The following TRAF6 variants were observed in gnomAD, a reference collection of about 807,000 sequenced individuals.
TRAF6 encodes the protein TNF receptor-associated factor 6.
A neutral mutation model predicts 48.4 loss-of-function variants in TRAF6; 10 were observed. The ratio of observed to expected loss-of-function variants is 0.21; its 90% confidence interval spans 0.13 to 0.35. The LOEUF (loss-of-function observed/expected upper bound fraction) is 0.35, where lower values mean the gene tolerates loss of function less well. Among genes scored for constraint, TRAF6 ranks in the 10% least tolerant of loss-of-function variants. The pLI is 1.00. For missense variants in TRAF6, 397 were observed against 661.0 expected, an observed-to-expected ratio of 0.60 and a Z score of 4.38; for synonymous variants, 186 against 219.6, an observed-to-expected ratio of 0.85 and a Z score of 1.35.
rs1457369618 is a variant in TRAF6, at chr11:36,485,242, C to T, written c.*4596G>A. On this transcript the variant is annotated 3_prime_UTR_variant, in exon 7 of 7. Transcript: ENST00000526995. ...AAAAGTAACATCTGCGCCTTACCATCTAAAATTTACATGACAAGGTACCAG... is the reference window on the plus strand; with the variant it reads ...AAAAGTAACATCTGCGCCTTACCATTTAAAATTTACATGACAAGGTACCAG... Among the ~76,000 whole-genome samples the T allele has an allele frequency of 6.6e-6, 1 of 152,144 alleles. No homozygotes were observed. The highest frequency in any genetic ancestry group is 1.5e-5 in the Non-Finnish European group (1 of 68,038).
At position 36,494,985 on chromosome 11, in the gene TRAF6, G is replaced by C. The variant is rs1859610338; in HGVS notation, c.669C>G (p.Ile223Met). 2 of 1,595,326 alleles carry C rather than the reference G, an allele frequency of 1.3e-6. No individual in the cohort carries two copies. Among genetic ancestry groups the C allele is most frequent in the African/African-American group, 2.7e-5 (2 of 74,416 alleles). ...TGAAAATGAATAATACCTGTTCTCT[G>C]ATGAGTATAGTATTGCAGTATTCAC... ...VICEYCNTIL[I>M]REQMPNHYDL... Residue 223 changes from isoleucine to methionine, a missense_variant, in exon 5 of 7, where the codon ATC (isoleucine) becomes ATG (methionine). Transcript: ENST00000526995.
chr11:36,495,667 C>A (rs1195204584), intron 4 of TRAF6, among the ~76,000 whole-genome samples: 1 of 151,960 alleles, frequency 6.6e-6, no homozygotes, highest in Non-Finnish European at 1.5e-5. Flanking sequence ...GCAAAGAGGG[C>A]AGATCACCTG....
Position 36,492,642 on chromosome 11 carries a change from C to G in TRAF6, c.679-14G>C, listed in dbSNP as rs1362213126. The stretch of plus-strand genomic sequence containing the variant: ...ATGATTAGGCATCTGAAATCCAAAA[C>G]AAAGGCTGAAAAATCTCTTCCTTGC... On this transcript the variant is annotated splice_polypyrimidine_tract_variant and intron_variant, in intron 5 of 6. Transcript: ENST00000526995. 1 of 1,590,392 alleles carries G rather than the reference C, an allele frequency of 6.3e-7. No individual in the cohort carries two copies. The highest frequency in any genetic ancestry group is 1.8e-5 in the Admixed American group (1 of 55,910).
At chr11:36,507,806 T>C (rs1344413521) in intron 1 of TRAF6, among the ~76,000 whole-genome samples, 2 of 145,366 alleles carry the variant, frequency 1.4e-5, no homozygotes, top group African/African-American at 2.5e-5. Context: ...TATGTGTATA[T>C]ATACACATAT....
At chr11:36,498,445 C>T (rs749612255) in intron 3 of TRAF6, 45 bp downstream of exon 3, 2 of 1,567,566 alleles carry the variant, frequency 1.3e-6, no homozygotes, top group Non-Finnish European at 1.7e-6. Context: ...TCTGTAGGAA[C>T]TTCCTTTTAT....
Position 36,490,072 on chromosome 11 carries a change from G to A in TRAF6, c.1335C>T (p.Asn445=). 7.4e-6 allele frequency: 12 copies of A among 1,614,198 alleles called. No homozygotes were observed. The highest frequency in any genetic ancestry group is 1.0e-5 in the Non-Finnish European group (12 of 1,180,044). Residue 445 remains asparagine, a synonymous_variant, in exon 7 of 7, where the codon AAC becomes AAT. Coordinates refer to ENST00000526995, the MANE Select transcript of TRAF6 (RefSeq NM_004620.4). The surrounding 1 kb of genome is among the most constrained non-coding windows in gnomAD (Gnocchi z 6.4). The part of the protein sequence containing the change: ...LDQSEAPVRQ[N]HEEIMDAKPE... Reference sequence around the variant, plus strand: ...GTTTGGCATCCATTATCTCTTCGTGGTTTTGCCTTACAGGTGCTTCAGACT... The same window carrying A: ...GTTTGGCATCCATTATCTCTTCGTGATTTTGCCTTACAGGTGCTTCAGACT...
rs1859519463 is a variant in TRAF6 at position 36,488,553 on chromosome 11, TCTCC to T, written c.*1281_*1284del. 6.6e-6 allele frequency: 1 copy of T among 152,396 alleles called. No individual in the cohort carries two copies. The highest frequency in any genetic ancestry group is 1.5e-5 in the Non-Finnish European group (1 of 68,016). The allele number at this position is 152,396 out of a possible 1,614,324, so 9.4% of individuals were successfully genotyped here. On this transcript the variant is annotated 3_prime_UTR_variant, in exon 7 of 7. Transcript: ENST00000526995. The stretch of plus-strand genomic sequence containing the variant: ...TTTATAAGCTTATACTAGTTGCGGG[TCTCC>T]CTGAGAACTAGATTCCACGATATTT...
rs1859662791 is a variant in TRAF6 at position 36,497,911 on chromosome 11, G to A, written c.447+579C>T. On this transcript the variant is annotated intron_variant, in intron 3 of 6. Transcript: ENST00000526995. ...TTTTTTTTTTTTTTTTTGAGGCAGA[G>A]TCTCGCTCTGTCGCCCAGGCTGGAG... 3.4e-5 allele frequency among the ~76,000 whole-genome samples: 5 copies of A among 148,314 alleles called. No individual in the cohort carries two copies. In the South Asian group the frequency reaches 1.1e-3, roughly 31 times the overall value.
At chr11:36,496,022 T>C (rs1370372207) in intron 4 of TRAF6, among the ~76,000 whole-genome samples, 2 of 152,194 alleles carry the variant, frequency 1.3e-5, no homozygotes, top group Non-Finnish European at 2.9e-5. Context: ...ATGCTTGATC[T>C]CAAAGTGGGG....
Position 36,498,658 on chromosome 11 carries a change from C to T in TRAF6, c.297-18G>A, listed in dbSNP as rs768083093. 26 of 1,593,322 alleles carry T rather than the reference C, an allele frequency of 1.6e-5. No individual in the cohort carries two copies. The highest frequency in any genetic ancestry group is 2.1e-5 in the Non-Finnish European group (25 of 1,172,456). On this transcript the variant is annotated intron_variant, in intron 2 of 6. Transcript: ENST00000526995. ...CTGCATCCCTAACAGAAACAAAATA[C>T]ACACAATTAGATTTAAAGACTCACA...
intron 1 of TRAF6, chr11:36,501,789 G>T (rs954766158): frequency 2.0e-5 from 5 of 250,412 alleles, no homozygotes; most frequent in African/African-American, 1.1e-4. Context: ...AAAGAAAGCT[G>T]GGTCCCTTCA....
chr11:36,502,287 G>A (rs571891313), intron 1 of TRAF6, among the ~76,000 whole-genome samples: 48 of 152,240 alleles, frequency 3.2e-4, no homozygotes, highest in Middle Eastern at 3.4e-3. Flanking sequence ...CAGGTCAAGT[G>A]ACTATGTTTC....
intron 4 of TRAF6, 37 bp downstream of exon 4, chr11:36,497,071 G>A (rs376146480): frequency 3.7e-6 from 6 of 1,602,656 alleles, no homozygotes; most frequent in Middle Eastern, 1.7e-4. Context: ...AATATTTTAA[G>A]AAGTAGTGAA....
intron 1 of TRAF6, among the ~76,000 whole-genome samples, chr11:36,508,166 T>A (rs1306217888): frequency 1.3e-5 from 2 of 152,072 alleles, no homozygotes; most frequent in African/African-American, 2.4e-5. Context: ...TCTTACAGCC[T>A]CTATTCTAGT....
intron 3 of TRAF6, among the ~76,000 whole-genome samples, chr11:36,497,942 T>C (rs1377637948): frequency 6.6e-6 from 1 of 151,292 alleles, no homozygotes; most frequent in African/African-American, 2.4e-5. Context: ...TGGAGTGCAG[T>C]GGCGTGATCT....
In TRAF6 at chr11:36,498,633, C is replaced by T; in HGVS notation, c.304G>A (p.Gly102Ser). ...TCATTGTCAACTGGACATTTGTGAC[C>T]TGCATCCCTAACAGAAACAAAATAC... is the stretch of plus-strand genomic sequence containing the variant. ...ACIIKSIRDA[G>S]HKCPVDNEIL... The change falls in exon 3 of 7, where the codon GGT (glycine) becomes AGT (serine). Residue 102 changes from glycine to serine, a missense_variant. By Grantham distance (56) the Gly-to-Ser change is moderately conservative (BLOSUM62 0). This residue lies in a region of TRAF6 where 245 missense variants were observed against 349.1 expected (regional missense o/e 0.70). Transcript: ENST00000526995. The T allele has an allele frequency of 6.2e-7, 1 of 1,607,956 alleles. No individual in the cohort carries two copies. Among genetic ancestry groups the T allele is most frequent in the Non-Finnish European group, 8.5e-7 (1 of 1,178,268 alleles).
intron 1 of TRAF6, among the ~76,000 whole-genome samples, chr11:36,506,357 T>C (rs565139545): frequency 6.6e-6 from 1 of 152,146 alleles, no homozygotes; most frequent in Non-Finnish European, 1.5e-5. Flanking sequence ...ACAAGCACAG[T>C]ATATATGCAA....
chr11:36,498,351 G>A, intron 3 of TRAF6, 139 bp downstream of exon 3: 1 of 642,256 alleles, frequency 1.6e-6, no homozygotes, highest in South Asian at 3.0e-5. Context: ...TTAAAGGGTT[G>A]GCATTAATTC....
In TRAF6 at chr11:36,486,478, T is replaced by C. The variant is rs1050762488; in HGVS notation, c.*3360A>G. 5.9e-5 allele frequency among the ~76,000 whole-genome samples: 9 copies of C among 152,152 alleles called. No individual in the cohort carries two copies. Among genetic ancestry groups the C allele is most frequent in the African/African-American group, 2.2e-4 (9 of 41,384 alleles). On this transcript the variant is annotated 3_prime_UTR_variant, in exon 7 of 7. Coordinates refer to ENST00000526995, the MANE Select transcript of TRAF6 (RefSeq NM_004620.4). ...AATTCATAAGCATGCTTAGTTTATC[T>C]AAGACTTACTGGTGTAAAAACGGTA...
Sources: allele counts gnomAD v4.1 joint callset (sites outside exome capture counted in the v4.1 genomes callset), GRCh38; gene constraint gnomAD v4.1.1; regional missense constraint gnomAD v4.1.1; non-coding constraint Gnocchi (gnomAD v3.1); transcripts MANE v1.5; gene names NCBI Gene and HGNC (gene_info 2026-07-23, HGNC 2026-07-21).